The following HMCN1 variants were observed in gnomAD, a reference collection of about 807,000 sequenced individuals.
The protein encoded by HMCN1 is hemicentin-1.
Under a neutral mutation model 625.9 loss-of-function variants are expected in HMCN1, and 321 were observed. The observed-to-expected ratio is 0.51, with a 90% CI of 0.47 to 0.56. The LOEUF (loss-of-function observed/expected upper bound fraction) is 0.56, where lower values mean the gene tolerates loss of function less well. Among genes scored for constraint, HMCN1 ranks in the 20% least tolerant of loss-of-function variants. The pLI, the probability that HMCN1 is intolerant of heterozygous loss-of-function variation, is 0.00. For synonymous variants in HMCN1, 2,425 were observed against 2,417.6 expected (o/e 1.00, Z -0.09); for missense variants, 6,588 against 6,887.3 (o/e 0.96, Z 1.54).
rs1444667439 is a variant in HMCN1 at position 186,153,825 on chromosome 1, G to T, written c.15094G>T (p.Gly5032Cys). 6.2e-7 allele frequency: 1 copy of T among 1,614,106 alleles called. No homozygotes were observed. ...CTCAACCCGGCTGTTCACCATTGAT[G>T]GCATCAGCATCCCATACACATGGAA... Reference protein sequence around the residue: ...AYSTRLFTIDGISIPYTWNHT... With the variant: ...AYSTRLFTIDCISIPYTWNHT... The change falls in exon 97 of 107, where the codon GGC becomes TGC. Residue 5032 changes from glycine (G) to cysteine (C), a missense_variant. Physicochemically the swap from Gly to Cys is radical, Grantham distance 159. Transcript: ENST00000271588.
chr1:185,965,313 A>G (rs1352737531), intron 13 of HMCN1, among the ~76,000 whole-genome samples: 1 of 152,124 alleles, frequency 6.6e-6, no homozygotes, highest in Non-Finnish European at 1.5e-5. Flanking sequence ...TTAGACATGA[A>G]TATCCTTAAA....
chr1:185,742,421 C>CT (rs11365860), intron 1 of HMCN1, among the ~76,000 whole-genome samples: 22 of 151,250 alleles, frequency 1.5e-4, no homozygotes, highest in Admixed American at 9.9e-4. Context: ...TCCTCCAGGA[C>CT]TTTTTTTTTA....
intron 1 of HMCN1, among the ~76,000 whole-genome samples, chr1:185,739,457 ACT>A (rs1294347022): frequency 2.0e-5 from 3 of 151,864 alleles, no homozygotes; most frequent in African/African-American, 7.3e-5. Context: ...TTTATCACTC[ACT>A]CTCTTATATC....
intron 11 of HMCN1, among the ~76,000 whole-genome samples, chr1:185,958,560 G>A (rs1649785269): frequency 6.6e-6 from 1 of 152,152 alleles, no homozygotes; most frequent in South Asian, 2.1e-4. Flanking sequence ...TTTGTCACAC[G>A]TTGCTATATA....
chr1:185,792,842 T>C (rs1046853724), intron 1 of HMCN1, among the ~76,000 whole-genome samples: 1 of 152,218 alleles, frequency 6.6e-6, no homozygotes, highest in Non-Finnish European at 1.5e-5. Context: ...CAGCAAACTA[T>C]ACCAAAATTA....
intron 4 of HMCN1, among the ~76,000 whole-genome samples, chr1:185,902,565 G>T (rs1363432492): frequency 6.6e-6 from 1 of 151,572 alleles, no homozygotes; most frequent in African/African-American, 2.4e-5. Flanking sequence ...TACTATACCT[G>T]TATACCTTAT....
At position 185,933,676 on chromosome 1, in the gene HMCN1, C is replaced by CA; in HGVS notation, c.1681dup (p.Arg561LysfsTer9). The CA allele has an allele frequency of 6.2e-7, 1 of 1,614,026 alleles. No individual in the cohort carries two copies. The highest frequency in any genetic ancestry group is 8.5e-7 in the Non-Finnish European group (1 of 1,179,954). On this transcript the variant is annotated frameshift_variant, in exon 11 of 107. Coordinates refer to ENST00000271588, the MANE Select transcript of HMCN1 (RefSeq NM_031935.3). LOFTEE classifies it high-confidence loss of function. ...CCTGGCAGAGGAATGACAGAGATGT[C>CA]AGACTGGCAGAGCCAGCGAGAATTA...
At position 186,156,972 on chromosome 1, in the gene HMCN1, C is replaced by T. The variant is rs549646048; in HGVS notation, c.15256+2985C>T. Among the ~76,000 whole-genome samples, 4 of 152,138 alleles carry T rather than the reference C, an allele frequency of 2.6e-5. No individual in the cohort carries two copies. The South Asian group carries it at 6.2e-4, about 24-fold the overall frequency. On this transcript the variant is annotated intron_variant, in intron 97 of 106. Coordinates refer to ENST00000271588, the MANE Select transcript of HMCN1 (RefSeq NM_031935.3). ...ATGAGCCAAACCTGGGTTGCACACC[C>T]GTGGGTGATTATAAGAAAATCTTTA...
intron 1 of HMCN1, among the ~76,000 whole-genome samples, chr1:185,791,468 C>T (rs1571356657): frequency 6.6e-6 from 1 of 152,060 alleles, no homozygotes; most frequent in Non-Finnish European, 1.5e-5. Flanking sequence ...AATTGTAATC[C>T]CAGCTCTTTG....
At chr1:185,939,529 GTTTTTC>G (rs1395339197) in intron 11 of HMCN1, among the ~76,000 whole-genome samples, 1 of 151,984 alleles carries the variant, frequency 6.6e-6, no homozygotes. Flanking sequence ...TAGTTTTTTT[GTTTTTC>G]TTTTTTAAGA....
At chr1:186,107,267 G>A (rs985331793) in intron 70 of HMCN1, among the ~76,000 whole-genome samples, 3 of 151,944 alleles carry the variant, frequency 2.0e-5, no homozygotes, top group Non-Finnish European at 4.4e-5. Context: ...TTGTATTTTT[G>A]GTTGAGACAG....
chr1:186,101,874 C>T (rs984463692), intron 68 of HMCN1, among the ~76,000 whole-genome samples: 4 of 151,702 alleles, frequency 2.6e-5, no homozygotes, highest in African/African-American at 4.8e-5. Context: ...CAACTTGATA[C>T]GAAAATGAAA....
chr1:185,921,738 ACT>A (rs1469951796), intron 6 of HMCN1, among the ~76,000 whole-genome samples: 1 of 152,094 alleles, frequency 6.6e-6, no homozygotes, highest in Non-Finnish European at 1.5e-5. Flanking sequence ...ATAATGGTGA[ACT>A]CTTGTTCATA....
chr1:185,744,422 T>G (rs941046796), intron 1 of HMCN1, among the ~76,000 whole-genome samples: 5 of 152,226 alleles, frequency 3.3e-5, no homozygotes, highest in African/African-American at 1.2e-4. Flanking sequence ...ATTGTTCCTT[T>G]GAGCCCTAGG....
At chr1:185,739,928 G>A (rs375198224) in intron 1 of HMCN1, among the ~76,000 whole-genome samples, 3 of 152,036 alleles carry the variant, frequency 2.0e-5, no homozygotes, top group Admixed American at 1.3e-4. Flanking sequence ...ACTTGAAGGA[G>A]GTGAGGGAGG....
intron 2 of HMCN1, among the ~76,000 whole-genome samples, chr1:185,850,093 C>CT (rs1571444028): frequency 6.6e-6 from 1 of 152,136 alleles, no homozygotes; most frequent in Admixed American, 6.6e-5. Context: ...GACAAGAGCC[C>CT]TGTAGCTCGT....
intron 11 of HMCN1, among the ~76,000 whole-genome samples, chr1:185,942,190 C>CA (rs541622782): frequency 0.025 from 1,290 of 52,220 alleles, 22 homozygotes; most frequent in East Asian, 0.11. Context: ...GACTCCATCT[C>CA]AAAAAAAAAA....
intron 43 of HMCN1, among the ~76,000 whole-genome samples, chr1:186,053,421 G>A (rs1657100043): frequency 1.3e-5 from 2 of 151,978 alleles, no homozygotes; most frequent in Non-Finnish European, 2.9e-5. Flanking sequence ...CTTCCTGGGT[G>A]ATTGGTTCAG....
chr1:185,745,642 T>C (rs1571295748), intron 1 of HMCN1, among the ~76,000 whole-genome samples: 2 of 152,180 alleles, frequency 1.3e-5, no homozygotes, highest in South Asian at 2.1e-4. Flanking sequence ...CAAGTTCAAG[T>C]TTCTGAATTT....
Sources: allele counts gnomAD v4.1 joint callset (sites outside exome capture counted in the v4.1 genomes callset), GRCh38; gene constraint gnomAD v4.1.1; transcripts MANE v1.5; gene names NCBI Gene and HGNC (gene_info 2026-07-23, HGNC 2026-07-21).